Variants in TMEM178B observed in about 807,000 individuals in gnomAD.
TMEM178B encodes the protein transmembrane protein 178B.
In TMEM178B, 5 loss-of-function variants were observed where a neutral mutation model predicts 31.0. The observed-to-expected ratio is 0.16, with a 90% CI of 0.08 to 0.34. The LOEUF is 0.34. Among genes scored for constraint, TMEM178B ranks in the 10% least tolerant of loss-of-function variants. The pLI is 1.00. For synonymous variants in TMEM178B, 164 were observed against 164.0 expected, an observed-to-expected ratio of 1.00 and a Z score of 0.00; for missense variants, 275 against 400.3, an observed-to-expected ratio of 0.69 and a Z score of 2.67.
chr7:141,163,664 G>A (rs182679044), intron 1 of TMEM178B, among the ~76,000 whole-genome samples: 15 of 151,996 alleles, frequency 9.9e-5, no homozygotes, highest in Admixed American at 5.2e-4. Context: ...ACAGGTGAGC[G>A]CCATCAAGCC....
intron 2 of TMEM178B, among the ~76,000 whole-genome samples, chr7:141,285,505 A>G (rs1321804539): frequency 6.6e-6 from 1 of 152,036 alleles, no homozygotes; most frequent in East Asian, 1.9e-4. Context: ...CTTGATCATC[A>G]TATAGTACAT....
intron 3 of TMEM178B, among the ~76,000 whole-genome samples, chr7:141,438,207 C>G (rs576491506): frequency 6.6e-6 from 1 of 152,084 alleles, no homozygotes; most frequent in East Asian, 1.9e-4. Flanking sequence ...AAGCTGCCCC[C>G]CTTTCAAGTA....
chr7:141,131,343 C>T (rs1359074740), intron 1 of TMEM178B, among the ~76,000 whole-genome samples: 2 of 151,982 alleles, frequency 1.3e-5, no homozygotes, highest in Non-Finnish European at 2.9e-5. Context: ...ATTGAGAGTT[C>T]ATTAACATAC....
chr7:141,431,181 T>C (rs985185412), intron 2 of TMEM178B: 5 of 151,636 alleles, frequency 3.3e-5, no homozygotes, highest in African/African-American at 4.8e-5. Flanking sequence ...TTTTTTTTTT[T>C]TCCATGAAAA....
At chr7:141,317,376 C>A (rs1282390534) in intron 2 of TMEM178B, among the ~76,000 whole-genome samples, 1 of 152,184 alleles carries the variant, frequency 6.6e-6, no homozygotes, top group Non-Finnish European at 1.5e-5. Context: ...TATAATCCTA[C>A]CTTTCTGTTT....
chr7:141,303,388 A>G (rs1476431810), intron 2 of TMEM178B, among the ~76,000 whole-genome samples: 1 of 152,216 alleles, frequency 6.6e-6, no homozygotes, highest in African/African-American at 2.4e-5. Context: ...ACTCCAATTA[A>G]GGGGAGATTC....
At chr7:141,103,574 C>G (rs1488654501) in intron 1 of TMEM178B, among the ~76,000 whole-genome samples, 1 of 152,076 alleles carries the variant, frequency 6.6e-6, no homozygotes, top group Non-Finnish European at 1.5e-5. Context: ...TTCTGTCACC[C>G]TGCCTGGCTC....
At chr7:141,436,996 G>A (rs1284545789) in intron 2 of TMEM178B, among the ~76,000 whole-genome samples, 2 of 152,138 alleles carry the variant, frequency 1.3e-5, no homozygotes, top group Non-Finnish European at 2.9e-5. Flanking sequence ...TGCATGCAGG[G>A]AAAGCTAAGC....
chr7:141,307,604 T>C (rs1431618767), intron 2 of TMEM178B, among the ~76,000 whole-genome samples: 2 of 152,250 alleles, frequency 1.3e-5, no homozygotes, highest in African/African-American at 4.8e-5. Context: ...TCTGAACTAA[T>C]GGGTGTGATT....
intron 2 of TMEM178B, among the ~76,000 whole-genome samples, chr7:141,375,754 A>T (rs1475543551): frequency 6.6e-6 from 1 of 152,226 alleles, no homozygotes; most frequent in Non-Finnish European, 1.5e-5. Flanking sequence ...GGTCTGTAAG[A>T]ATTTAATACA....
rs1414637512 is a variant in TMEM178B at position 141,422,906 on chromosome 7, C to G, written c.497-14702C>G. Among the ~76,000 whole-genome samples, 1 of 152,216 alleles carries G rather than the reference C, an allele frequency of 6.6e-6. No individual in the cohort carries two copies. The highest frequency in any genetic ancestry group is 1.5e-5 in the Non-Finnish European group (1 of 68,040). Reference sequence around the variant, plus strand: ...AGATCGGGGCACTTTGTAGCAAGCTCTACACAAGGTCTCACGCCTCTCTTT... The same window carrying G: ...AGATCGGGGCACTTTGTAGCAAGCTGTACACAAGGTCTCACGCCTCTCTTT... On this transcript the variant is annotated intron_variant, in intron 2 of 3. Coordinates refer to ENST00000565468, the MANE Select transcript of TMEM178B (RefSeq NM_001195278.2). The surrounding 1 kb of genome is among the most constrained non-coding windows in gnomAD (Gnocchi z 4.2).
intron 2 of TMEM178B, among the ~76,000 whole-genome samples, chr7:141,367,775 G>A (rs1800036518): frequency 6.6e-6 from 1 of 152,144 alleles, no homozygotes; most frequent in African/African-American, 2.4e-5. Flanking sequence ...GGAGACTGAG[G>A]GGTTTCCTAT....
At chr7:141,312,019 A>G (rs946798715) in intron 2 of TMEM178B, among the ~76,000 whole-genome samples, 4 of 152,236 alleles carry the variant, frequency 2.6e-5, no homozygotes, top group Non-Finnish European at 4.4e-5. Context: ...TGACTTCTCT[A>G]CTTTCTGCCA....
At chr7:141,491,011 T>C in the TMEM178B span, among the ~76,000 whole-genome samples, 8 of 152,106 alleles carry the variant, frequency 5.3e-5, no homozygotes, top group Non-Finnish European at 1.0e-4. Flanking sequence ...CCAAAACTCA[T>C]ACTCTTTTTT....
intron 1 of TMEM178B, among the ~76,000 whole-genome samples, chr7:141,085,100 G>C (rs1794757091): frequency 6.7e-6 from 1 of 148,904 alleles, no homozygotes; most frequent in Non-Finnish European, 1.5e-5. Context: ...GCCTCAGCCT[G>C]CTGAGTAGCT....
chr7:141,334,734 C>G (rs1799354721), intron 2 of TMEM178B, among the ~76,000 whole-genome samples: 1 of 152,224 alleles, frequency 6.6e-6, no homozygotes, highest in Non-Finnish European at 1.5e-5. Flanking sequence ...AGCTGGCATT[C>G]TGAGCCATGT....
chr7:141,305,985 T>C (rs1798809486), intron 2 of TMEM178B, among the ~76,000 whole-genome samples: 3 of 152,202 alleles, frequency 2.0e-5, no homozygotes, highest in African/African-American at 7.2e-5. Flanking sequence ...TTATTTTGTC[T>C]GGTCTCTTGA....
At chr7:141,343,986 C>A (rs1799564122) in intron 2 of TMEM178B, among the ~76,000 whole-genome samples, 1 of 152,066 alleles carries the variant, frequency 6.6e-6, no homozygotes, top group African/African-American at 2.4e-5. Flanking sequence ...TCTTTGGGAA[C>A]AAAATAAAAC....
At chr7:141,168,112 C>T (rs569569342) in intron 1 of TMEM178B, among the ~76,000 whole-genome samples, 63 of 152,248 alleles carry the variant, frequency 4.1e-4, no homozygotes, top group African/African-American at 1.3e-3. Context: ...GGGCAGAGAC[C>T]GGGAATCTGA....
Sources: gnomAD v4.1 joint callset for allele counts (sites outside exome capture counted in the v4.1 genomes callset) on GRCh38, gnomAD v4.1.1 for gene constraint, Gnocchi (gnomAD v3.1) non-coding constraint, MANE v1.5 for transcripts, NCBI Gene and HGNC (gene_info 2026-07-23, HGNC 2026-07-21) for gene names.